The following PHACTR3 variants were observed in gnomAD, a reference collection of about 807,000 sequenced individuals.
PHACTR3 encodes phosphatase and actin regulator 3.
A neutral mutation model predicts 66.8 loss-of-function variants in PHACTR3; 16 were observed. The observed-to-expected ratio is 0.24, with a 90% CI of 0.16 to 0.36. The LOEUF is 0.36. PHACTR3 is among the 10% of genes least tolerant of loss of function. The pLI, the probability that PHACTR3 is intolerant of heterozygous loss-of-function variation, is 1.00. For synonymous variants in PHACTR3, 323 were observed against 292.1 expected (o/e 1.11, Z -1.08); for missense variants, 647 against 719.9 (o/e 0.90, Z 1.16).
intron 1 of PHACTR3, among the ~76,000 whole-genome samples, chr20:59,726,796 CT>C (rs1162048083): frequency 1.3e-5 from 2 of 152,084 alleles, no homozygotes; most frequent in Non-Finnish European, 2.9e-5. Context: ...TGTTCCCGGA[CT>C]TTGCATATTT....
chr20:59,698,431 T>TAA (rs1000503587), intron 1 of PHACTR3, among the ~76,000 whole-genome samples: 5 of 146,786 alleles, frequency 3.4e-5, no homozygotes, highest in Admixed American at 2.0e-4. Flanking sequence ...TGTTGAATGA[T>TAA]AAAAAAAAAA....
intron 1 of PHACTR3, among the ~76,000 whole-genome samples, chr20:59,583,760 G>C (rs2032932017): frequency 2.0e-5 from 3 of 152,254 alleles, no homozygotes; most frequent in Admixed American, 2.0e-4. Flanking sequence ...GAGGACCGGG[G>C]GTCTGGCCCA....
At position 59,773,355 on chromosome 20, in the gene PHACTR3, G is replaced by C; in HGVS notation, c.828G>C (p.Thr276=). 2 of 1,614,136 alleles carry C rather than the reference G, an allele frequency of 1.2e-6. No individual in the cohort carries two copies. The highest frequency in any genetic ancestry group is 1.7e-6 in the Non-Finnish European group (2 of 1,180,032). ...TCCGGGGCCAGCTCTCCACACCCAC[G>C]GGGTCTCCGCATCTCACCACGGTCC... is the stretch of plus-strand genomic sequence containing the variant. The part of the protein sequence containing the change: ...PSLRGQLSTP[T]GSPHLTTVHR... The change falls in exon 6 of 13, where the codon ACG becomes ACC. Residue 276 remains threonine (T), a synonymous_variant. Transcript: ENST00000371015.
intron 1 of PHACTR3, among the ~76,000 whole-genome samples, chr20:59,663,530 C>CT (rs1433195431): frequency 2.6e-5 from 4 of 152,240 alleles, no homozygotes; most frequent in Non-Finnish European, 4.4e-5. Flanking sequence ...TTTCGGTTCA[C>CT]TCTTACTTAG....
intron 6 of PHACTR3, 118 bp downstream of exon 6, chr20:59,773,571 C>G: frequency 9.2e-7 from 1 of 1,088,962 alleles, no homozygotes; most frequent in Non-Finnish European, 1.3e-6. Flanking sequence ...TCTACAGTCA[C>G]TTTCTGAACA....
intron 4 of PHACTR3, among the ~76,000 whole-genome samples, chr20:59,757,438 G>C (rs1441930262): frequency 6.6e-6 from 1 of 152,228 alleles, no homozygotes; most frequent in African/African-American, 2.4e-5. Context: ...GGAATCAGCT[G>C]GGCAGAGAGC....
chr20:59,775,995 GGCCAGAT>G (rs1240942214), intron 7 of PHACTR3, among the ~76,000 whole-genome samples: 1 of 152,186 alleles, frequency 6.6e-6, no homozygotes, highest in Non-Finnish European at 1.5e-5. Context: ...CTCCAGACTT[GGCCAGAT>G]GCCCCTGAGG....
intron 8 of PHACTR3, among the ~76,000 whole-genome samples, chr20:59,825,385 C>G (rs1043896795): frequency 5.9e-5 from 9 of 152,240 alleles, no homozygotes; most frequent in African/African-American, 1.9e-4. Flanking sequence ...TGCATTCAGA[C>G]ACTCATTCAT....
At chr20:59,601,542 C>G (rs1415091657), upstream of PHACTR3, among the ~76,000 whole-genome samples, 4 of 152,194 alleles carry the variant, frequency 2.6e-5, no homozygotes, top group Non-Finnish European at 5.9e-5. Flanking sequence ...AGGCTGGAAA[C>G]CCTCCTCCAA....
At chr20:59,613,716 G>C (rs2033934991) in intron 1 of PHACTR3, among the ~76,000 whole-genome samples, 1 of 152,202 alleles carries the variant, frequency 6.6e-6, no homozygotes, top group Non-Finnish European at 1.5e-5. Flanking sequence ...CATGTGGCCT[G>C]TAGTTGCCCT....
chr20:59,813,537 G>A (rs2041800524), intron 8 of PHACTR3, among the ~76,000 whole-genome samples: 2 of 152,192 alleles, frequency 1.3e-5, no homozygotes, highest in Non-Finnish European at 2.9e-5. Flanking sequence ...TAGGCGCTGG[G>A]GTGCAGAGAT....
chr20:59,602,391 C>T (rs747211795), upstream of PHACTR3, among the ~76,000 whole-genome samples: 2 of 148,042 alleles, frequency 1.4e-5, no homozygotes, highest in Admixed American at 6.8e-5. Context: ...TGATTGCCCC[C>T]GTGAATAGCC....
intron 1 of PHACTR3, among the ~76,000 whole-genome samples, chr20:59,656,110 A>G (rs2035611974): frequency 6.6e-6 from 1 of 151,844 alleles, no homozygotes; most frequent in African/African-American, 2.4e-5. Context: ...GAGAATGTGT[A>G]TTCTGCTGTT....
chr20:59,847,469 C>T lies in PHACTR3; in HGVS notation c.*339C>T, dbSNP rs1287149368. The T allele has an allele frequency of 1.3e-5, 3 of 228,708 alleles. No homozygotes were observed. Among genetic ancestry groups the T allele is most frequent in the African/African-American group, 2.2e-5 (1 of 45,034 alleles). The allele number at this position is 228,708 out of a possible 1,614,324, so 14.2% of individuals were successfully genotyped here. ...GACGGGCAACGTGCATGTGCAGGCT[C>T]ACCACTCCCAGGCCTCTGACATGAG... is the stretch of plus-strand genomic sequence containing the variant. On this transcript the variant is annotated 3_prime_UTR_variant, in exon 13 of 13. Coordinates refer to ENST00000371015, the MANE Select transcript of PHACTR3 (RefSeq NM_080672.5).
chr20:59,677,345 G>A lies in PHACTR3; in HGVS notation c.119-65762G>A, dbSNP rs536418024. ...GGATCTCCACCACTGAACCCTGGGTGGGAGTGTGGGAGTGGGTGAGGGAGA... is the reference window on the plus strand; with the variant it reads ...GGATCTCCACCACTGAACCCTGGGTAGGAGTGTGGGAGTGGGTGAGGGAGA... On this transcript the variant is annotated intron_variant, in intron 1 of 12. Coordinates refer to ENST00000371015, the MANE Select transcript of PHACTR3 (RefSeq NM_080672.5). 5.6e-4 allele frequency among the ~76,000 whole-genome samples: 86 copies of A among 152,330 alleles called. 1 individual carries two copies. Among genetic ancestry groups the A allele is most frequent in the African/African-American group, 2.0e-3 (85 of 41,568 alleles).
chr20:59,773,940 A>G (rs1253071321), intron 6 of PHACTR3, among the ~76,000 whole-genome samples: 1 of 152,266 alleles, frequency 6.6e-6, no homozygotes, highest in African/African-American at 2.4e-5. Flanking sequence ...TTGGAGGAAT[A>G]TTAGACAAAC....
intron 7 of PHACTR3, among the ~76,000 whole-genome samples, chr20:59,792,532 G>C (rs962303906): frequency 6.6e-6 from 1 of 152,230 alleles, no homozygotes; most frequent in Non-Finnish European, 1.5e-5. Flanking sequence ...TGCAGATCCA[G>C]TTGGCCAAGG....
At chr20:59,590,822 T>A (rs1285999376) in intron 1 of PHACTR3, among the ~76,000 whole-genome samples, 1 of 152,084 alleles carries the variant, frequency 6.6e-6, no homozygotes, top group Non-Finnish European at 1.5e-5. Context: ...TGCTGCTACA[T>A]CCTCACAAGC....
At chr20:59,706,814 C>G (rs1361677265) in intron 1 of PHACTR3, among the ~76,000 whole-genome samples, 1 of 152,180 alleles carries the variant, frequency 6.6e-6, no homozygotes, top group Non-Finnish European at 1.5e-5. Context: ...CATGCCCAGC[C>G]TGGTTCCCTG....
Sources: gnomAD v4.1 joint callset for allele counts (sites outside exome capture counted in the v4.1 genomes callset) on GRCh38, gnomAD v4.1.1 for gene constraint, MANE v1.5 for transcripts, NCBI Gene and HGNC (gene_info 2026-07-23, HGNC 2026-07-21) for gene names.